The following IMMP2L variants were observed in gnomAD, a reference collection of about 807,000 sequenced individuals.
IMMP2L encodes the protein mitochondrial inner membrane protease subunit 2.
A neutral mutation model predicts 19.3 loss-of-function variants in IMMP2L; 18 were observed. That is an observed-to-expected ratio of 0.93 (90% CI 0.64 to 1.38). IMMP2L has a LOEUF of 1.38. Ranked by LOEUF, IMMP2L falls within the 40% of genes most tolerant of loss-of-function variation. The pLI is 0.00. For missense variants in IMMP2L, 233 were observed against 218.2 expected, an observed-to-expected ratio of 1.07 and a Z score of -0.43; for synonymous variants, 76 against 73.0, an observed-to-expected ratio of 1.04 and a Z score of -0.21.
At chr7:111,164,827 A>C (rs1805648504) in intron 3 of IMMP2L, among the ~76,000 whole-genome samples, 1 of 152,048 alleles carries the variant, frequency 6.6e-6, no homozygotes, top group Non-Finnish European at 1.5e-5. Flanking sequence ...GATTAAAAAA[A>C]ATTTTTTTTG....
chr7:111,211,803 C>T (rs1283632845), intron 3 of IMMP2L, among the ~76,000 whole-genome samples: 1 of 151,920 alleles, frequency 6.6e-6, no homozygotes, highest in Admixed American at 6.5e-5. Flanking sequence ...ACCATCCTGG[C>T]TAACACGGTG....
At chr7:110,881,853 G>A (rs1194390907) in intron 5 of IMMP2L, among the ~76,000 whole-genome samples, 3 of 152,164 alleles carry the variant, frequency 2.0e-5, no homozygotes, top group Non-Finnish European at 2.9e-5. Flanking sequence ...CATCTAGAGT[G>A]CTTTATGTAA....
intron 3 of IMMP2L, among the ~76,000 whole-genome samples, chr7:111,013,207 G>A (rs1825158856): frequency 6.6e-6 from 1 of 152,108 alleles, no homozygotes; most frequent in Non-Finnish European, 1.5e-5. Context: ...TATAAGCCAC[G>A]ATAATAACTT....
In IMMP2L at chr7:110,925,402, C is replaced by G. The variant is rs548147075; in HGVS notation, c.305+38098G>C. 2.1e-4 allele frequency among the ~76,000 whole-genome samples: 32 copies of G among 152,190 alleles called. 1 individual carries two copies. In the East Asian group the frequency reaches 6.2e-3, roughly 29 times the overall value. ...CCCCCGGATACTCTCATAGCTGTACCAGGACACACACTTGTTTTTATAACT... is the reference window on the plus strand; with the variant it reads ...CCCCCGGATACTCTCATAGCTGTACGAGGACACACACTTGTTTTTATAACT... On this transcript the variant is annotated intron_variant, in intron 4 of 5. Transcript: ENST00000405709.
intron 3 of IMMP2L, among the ~76,000 whole-genome samples, chr7:111,081,998 T>C (rs781083195): frequency 2.6e-5 from 4 of 152,190 alleles, no homozygotes; most frequent in Non-Finnish European, 5.9e-5. Context: ...AGGAGTCTCC[T>C]AGAAGCAGTG....
intron 3 of IMMP2L, among the ~76,000 whole-genome samples, chr7:111,339,236 A>G (rs1826769505): frequency 1.3e-5 from 2 of 151,950 alleles, no homozygotes; most frequent in South Asian, 2.1e-4. Context: ...TAATGCTTAG[A>G]ACATCAAATT....
intron 1 of IMMP2L, among the ~76,000 whole-genome samples, chr7:111,540,540 A>T (rs1047435327): frequency 2.0e-5 from 3 of 152,140 alleles, no homozygotes; most frequent in African/African-American, 4.8e-5. Flanking sequence ...GGGAAACCCT[A>T]TATTAGCACT....
intron 3 of IMMP2L, among the ~76,000 whole-genome samples, chr7:111,206,898 C>A (rs917155407): frequency 6.6e-6 from 1 of 152,112 alleles, no homozygotes; most frequent in African/African-American, 2.4e-5. Flanking sequence ...TACTCTTAGG[C>A]TCCAGATGAG....
intron 3 of IMMP2L, among the ~76,000 whole-genome samples, chr7:111,016,672 T>C (rs1289513165): frequency 9.4e-6 from 1 of 105,958 alleles, no homozygotes; most frequent in African/African-American, 4.0e-5. Flanking sequence ...ATTAAACATA[T>C]ATAATATATA....
At chr7:110,665,426 C>A (rs139759305) in intron 5 of IMMP2L, among the ~76,000 whole-genome samples, 313 of 152,276 alleles carry the variant, frequency 2.1e-3, no homozygotes, top group African/African-American at 7.2e-3. Context: ...TTATTATACA[C>A]AAGATATTTA....
intron 5 of IMMP2L, among the ~76,000 whole-genome samples, chr7:110,830,239 ATATACATGGGCCT>A (rs1476680277): frequency 6.6e-6 from 1 of 152,150 alleles, no homozygotes; most frequent in Non-Finnish European, 1.5e-5. Context: ...GGCTGACAGC[ATATACATGGGCCT>A]TATGCCTTTT....
intron 5 of IMMP2L, among the ~76,000 whole-genome samples, chr7:110,798,016 G>T (rs2131191316): frequency 6.6e-6 from 1 of 151,986 alleles, no homozygotes; most frequent in Middle Eastern, 3.4e-3. Flanking sequence ...TAACACAAAA[G>T]AAATGCCAAA....
intron 3 of IMMP2L, among the ~76,000 whole-genome samples, chr7:111,315,458 A>G (rs1563049540): frequency 6.6e-6 from 1 of 152,070 alleles, no homozygotes; most frequent in Admixed American, 6.6e-5. Flanking sequence ...AATAAAGTGA[A>G]GACAGAAACG....
chr7:111,324,795 G>C (rs1825137953), intron 3 of IMMP2L, among the ~76,000 whole-genome samples: 1 of 151,616 alleles, frequency 6.6e-6, no homozygotes, highest in South Asian at 2.1e-4. Context: ...AACAATAAAA[G>C]GTAAATAAAC....
intron 2 of IMMP2L, among the ~76,000 whole-genome samples, chr7:111,489,789 A>G (rs1842944286): frequency 6.6e-6 from 1 of 152,116 alleles, no homozygotes; most frequent in African/African-American, 2.4e-5. Context: ...TCCCTAACTT[A>G]AATTCCCTGC....
chr7:110,789,815 C>A (rs1231289462), intron 5 of IMMP2L, among the ~76,000 whole-genome samples: 1 of 151,542 alleles, frequency 6.6e-6, no homozygotes, highest in African/African-American at 2.4e-5. Flanking sequence ...TACCTCAGGG[C>A]CTTTGCATTT....
intron 5 of IMMP2L, among the ~76,000 whole-genome samples, chr7:110,780,679 A>C (rs1386083200): frequency 6.6e-6 from 1 of 151,814 alleles, no homozygotes; most frequent in African/African-American, 2.4e-5. Flanking sequence ...AATTTCCAGA[A>C]AAGTATCAGC....
At chr7:110,973,282 T>G (rs2129556896) in intron 3 of IMMP2L, among the ~76,000 whole-genome samples, 1 of 152,256 alleles carries the variant, frequency 6.6e-6, no homozygotes, top group South Asian at 2.1e-4. Context: ...TTTTATACTG[T>G]AAAAACATAT....
intron 5 of IMMP2L, among the ~76,000 whole-genome samples, chr7:110,835,035 GAGAA>G (rs1254008340): frequency 2.0e-5 from 3 of 152,098 alleles, no homozygotes; most frequent in Non-Finnish European, 4.4e-5. Flanking sequence ...TTTTCCCCCA[GAGAA>G]AGATTCATCA....
Sources: gnomAD v4.1 joint callset for allele counts (sites outside exome capture counted in the v4.1 genomes callset) on GRCh38, gnomAD v4.1.1 for gene constraint, MANE v1.5 for transcripts, NCBI Gene and HGNC (gene_info 2026-07-23, HGNC 2026-07-21) for gene names.